SLC7A8: variants seen among roughly 807,000 people sequenced by gnomAD.
SLC7A8 encodes the protein large neutral amino acids transporter small subunit 2.
Under a neutral mutation model 51.2 loss-of-function variants are expected in SLC7A8, and 30 were observed. The observed-to-expected ratio is 0.59, with a 90% CI of 0.44 to 0.80. The LOEUF (loss-of-function observed/expected upper bound fraction) is 0.80, where lower values mean the gene tolerates loss of function less well. Among genes scored for constraint, SLC7A8 ranks in the 30% least tolerant of loss-of-function variants. SLC7A8 has a pLI of 0.00. For missense variants in SLC7A8, 612 were observed against 674.4 expected (o/e 0.91, Z 1.03); for synonymous variants, 257 against 275.8 (o/e 0.93, Z 0.67).
At chr14:23,145,503 G>A (rs370613274) in intron 3 of SLC7A8, among the ~76,000 whole-genome samples, 2 of 148,592 alleles carry the variant, frequency 1.3e-5, no homozygotes, top group African/African-American at 5.0e-5. Context: ...CTCCAGCGTG[G>A]GTGACAGAGC....
intron 7 of SLC7A8, among the ~76,000 whole-genome samples, chr14:23,132,605 C>T (rs1381033431): frequency 1.3e-5 from 2 of 150,874 alleles, no homozygotes; most frequent in Non-Finnish European, 2.9e-5. Context: ...AAAACCCCCA[C>T]AAAACTCATC....
chr14:23,131,997 CTATT>C lies in SLC7A8; in HGVS notation c.1017-444_1017-441del, dbSNP rs1229610076. 4.4e-3 allele frequency among the ~76,000 whole-genome samples: 609 copies of C among 139,154 alleles called. 6 individuals carry two copies. The highest frequency in any genetic ancestry group is 0.016 in the African/African-American group (577 of 36,682). 91.3% of individuals were successfully genotyped at this position (139,154 alleles called of 152,430 possible). ...GCATATGGAAAGCTTTAAAAACACT[CTATT>C]TTTTTTTTTTTTTTTTTTTTTGAGA... On this transcript the variant is annotated intron_variant, in intron 7 of 10. Coordinates refer to ENST00000316902, the MANE Select transcript of SLC7A8 (RefSeq NM_012244.4).
At chr14:23,138,121 A>C in intron 6 of SLC7A8, 97 bp from the exon 7 acceptor site, 32 of 1,417,100 alleles carry the variant, frequency 2.3e-5, no homozygotes, top group Non-Finnish European at 2.9e-5. Context: ...TCCTATCTCC[A>C]CCCTTGCTAA....
chr14:23,128,042 G>A lies in SLC7A8; in HGVS notation c.1418C>T (p.Pro473Leu), dbSNP rs2048595059. The change falls in exon 10 of 11, where the codon CCC (proline) becomes CTC (leucine). Residue 473 changes from proline (P) to leucine (L), a missense_variant. Pro to Leu is a moderately conservative substitution (Grantham distance 98). Coordinates refer to ENST00000316902, the MANE Select transcript of SLC7A8 (RefSeq NM_012244.4). This position sits in a 1 kb window ranked among gnomAD's most constrained non-coding sequence, Gnocchi z 4.3. The part of the protein sequence containing the change: ...YFLGVYWQHK[P>L]KCFSDFIELL... ...ACCAATGAAGTCACTGAAACACTTG[G>A]GCTTGTGTTGCCAGTAAACACCCAG... 1 of 1,613,960 alleles carries A rather than the reference G, an allele frequency of 6.2e-7. No homozygotes were observed. The highest frequency in any genetic ancestry group is 1.7e-5 in the Admixed American group (1 of 59,990).
intron 3 of SLC7A8, among the ~76,000 whole-genome samples, chr14:23,145,476 G>A (rs1332423261): frequency 2.7e-5 from 4 of 149,738 alleles, no homozygotes; most frequent in Non-Finnish European, 4.4e-5. Flanking sequence ...GCAGTGAGCC[G>A]AGATTGTGCC....
chr14:23,150,635 T>A (rs2048838524), intron 3 of SLC7A8, among the ~76,000 whole-genome samples: 1 of 152,214 alleles, frequency 6.6e-6, no homozygotes, highest in South Asian at 2.1e-4. Flanking sequence ...TATTGTTGCA[T>A]AAAATGTTAA....
At chr14:23,139,644 T>C (rs772396958) in intron 5 of SLC7A8, 97 bp from the exon 6 acceptor site, 35 of 1,422,034 alleles carry the variant, frequency 2.5e-5, no homozygotes, top group African/African-American at 1.4e-5. Context: ...TGCATGCGTG[T>C]AGCCTTACAG....
intron 1 of SLC7A8, among the ~76,000 whole-genome samples, chr14:23,170,583 C>T (rs112068495): frequency 6.6e-6 from 1 of 152,104 alleles, no homozygotes; most frequent in South Asian, 2.1e-4. Flanking sequence ...CTCACCCTCC[C>T]GAGTAGCTGG....
At chr14:23,156,496 G>A (rs538668091) in intron 3 of SLC7A8, 7 of 152,120 alleles carry the variant, frequency 4.6e-5, no homozygotes, top group Admixed American at 4.6e-4. Context: ...ACTCCCATAA[G>A]CCTTCTGATT....
intron 3 of SLC7A8, among the ~76,000 whole-genome samples, chr14:23,164,610 C>T (rs1271055204): frequency 3.0e-5 from 4 of 134,372 alleles, no homozygotes; most frequent in Non-Finnish European, 6.3e-5. Context: ...AAGTTTCTTT[C>T]TTTTTTTTTT....
intron 5 of SLC7A8, among the ~76,000 whole-genome samples, chr14:23,139,853 A>C (rs1034763822): frequency 6.6e-6 from 1 of 152,090 alleles, no homozygotes; most frequent in Non-Finnish European, 1.5e-5. Context: ...TTACAAATTA[A>C]AAAATTAACT....
At chr14:23,181,744 T>G (rs971002342) in intron 1 of SLC7A8, among the ~76,000 whole-genome samples, 9 of 152,346 alleles carry the variant, frequency 5.9e-5, no homozygotes, top group African/African-American at 1.9e-4. Context: ...GCACTCCTTT[T>G]TCTGGGAAGA....
rs916235554 is a variant in SLC7A8, at chr14:23,181,033, A to T, written c.151+1731T>A. Among the ~76,000 whole-genome samples the T allele has an allele frequency of 3.3e-5, 5 of 150,322 alleles. No homozygotes were observed. The East Asian group carries it at 5.9e-4, about 18-fold the overall frequency. ...CAGAGCGAGACTCCGTCTGAACAAA[A>T]AAAAAGAATACCTGAACCTATATTG... On this transcript the variant is annotated intron_variant, in intron 1 of 10. Transcript: ENST00000316902.
chr14:23,139,355 A>G, intron 6 of SLC7A8, 69 bp downstream of exon 6: 1 of 1,607,654 alleles, frequency 6.2e-7, no homozygotes, highest in Non-Finnish European at 8.5e-7. Context: ...GGGAAAAGTG[A>G]GTGGGGCTAC....
At chr14:23,178,000 G>A (rs74547398) in intron 1 of SLC7A8, among the ~76,000 whole-genome samples, 1 of 152,176 alleles carries the variant, frequency 6.6e-6, no homozygotes, top group Non-Finnish European at 1.5e-5. Flanking sequence ...GATTCAGGAT[G>A]CAGACAAGCT....
intron 3 of SLC7A8, among the ~76,000 whole-genome samples, chr14:23,163,048 C>T (rs950464049): frequency 3.3e-5 from 5 of 152,176 alleles, no homozygotes; most frequent in African/African-American, 9.7e-5. Flanking sequence ...GATCTGATGG[C>T]AGAAACAGCA....
chr14:23,135,435 G>T (rs1056878334), intron 7 of SLC7A8, among the ~76,000 whole-genome samples: 2 of 146,546 alleles, frequency 1.4e-5, no homozygotes, highest in African/African-American at 2.5e-5. Flanking sequence ...AGGTGCGGTG[G>T]CTCACGCCTG....
chr14:23,134,437 CAAAAAAAAAAAAAAA>C (rs57162273), intron 7 of SLC7A8, among the ~76,000 whole-genome samples: 3 of 64,186 alleles, frequency 4.7e-5, no homozygotes, highest in African/African-American at 2.1e-4. Context: ...ACCCTGTCTC[CAAAAAAAAAAAAAAA>C]AAAAAAAAGA....
rs577932660 is a variant in SLC7A8 at position 23,167,481 on chromosome 14, C to T, written c.152-941G>A. 9.2e-5 allele frequency among the ~76,000 whole-genome samples: 14 copies of T among 152,170 alleles called. No homozygotes were observed. In the South Asian group the frequency reaches 2.9e-3, roughly 32 times the overall value. ...ATCCGGCAATCTTTCCACTAATCCA[C>T]TTCTGCTTGTGTGCAGGGGCTGGTT... On this transcript the variant is annotated intron_variant, in intron 1 of 10. Coordinates refer to ENST00000316902, the MANE Select transcript of SLC7A8 (RefSeq NM_012244.4).
Sources: gnomAD v4.1 joint callset for allele counts (sites outside exome capture counted in the v4.1 genomes callset) on GRCh38, gnomAD v4.1.1 for gene constraint, Gnocchi (gnomAD v3.1) non-coding constraint, MANE v1.5 for transcripts, NCBI Gene and HGNC (gene_info 2026-07-23, HGNC 2026-07-21) for gene names.